LRRC37A2: variants seen among roughly 807,000 people sequenced by gnomAD.
LRRC37A2 encodes the protein leucine rich repeat containing 37 member A2.
A neutral mutation model predicts 68.8 loss-of-function variants in LRRC37A2; 9 were observed. The observed-to-expected ratio is 0.13, with a 90% confidence interval of 0.08 to 0.23. LRRC37A2 has a LOEUF of 0.23. Among genes scored for constraint, LRRC37A2 ranks in the 10% least tolerant of loss-of-function variants. The pLI is 1.00. For synonymous variants in LRRC37A2, 63 were observed against 367.6 expected, an observed-to-expected ratio of 0.17 and a Z score of 9.48; for missense variants, 168 against 950.4, an observed-to-expected ratio of 0.18 and a Z score of 10.82.
chr17:46,895,549 C>T, the LRRC37A2 span, among the ~76,000 whole-genome samples: 100 of 152,288 alleles, frequency 6.6e-4, no homozygotes, highest in Middle Eastern at 3.4e-3. Context: ...ATTCTGTCCC[C>T]GCCATTGTCA....
At chr17:46,935,249 T>G in the LRRC37A2 span, 1 of 1,608,010 alleles carries the variant, frequency 6.2e-7, no homozygotes, top group African/African-American at 1.3e-5. Context: ...GTTTATATTT[T>G]GATTACGTGT....
the LRRC37A2 span, chr17:46,941,575 T>G: frequency 7.6e-6 from 2 of 264,774 alleles, no homozygotes; most frequent in Non-Finnish European, 1.2e-5. Flanking sequence ...AAGGTGATTT[T>G]ATTTTATTTT....
chr17:46,888,412 G>T, the LRRC37A2 span, among the ~76,000 whole-genome samples: 1 of 152,170 alleles, frequency 6.6e-6, no homozygotes, highest in African/African-American at 2.4e-5. Context: ...CTCAATTATG[G>T]TTGCTGTCAT....
chr17:47,037,922 A>T, the LRRC37A2 span, among the ~76,000 whole-genome samples: 1 of 152,150 alleles, frequency 6.6e-6, no homozygotes, highest in Non-Finnish European at 1.5e-5. Flanking sequence ...TATTGTTTAT[A>T]TGTATAATCC....
chr17:46,947,708 A>G, the LRRC37A2 span, among the ~76,000 whole-genome samples: 1 of 152,222 alleles, frequency 6.6e-6, no homozygotes, highest in East Asian at 1.9e-4. Context: ...GAGAATAATA[A>G]TAACTACCTC....
the LRRC37A2 span, among the ~76,000 whole-genome samples, chr17:46,849,342 C>T: frequency 1.3e-5 from 2 of 152,188 alleles, no homozygotes; most frequent in Admixed American, 6.5e-5. Flanking sequence ...GGAGAATGTG[C>T]CCTGCCTTCT....
At chr17:47,000,203 G>A in the LRRC37A2 span, among the ~76,000 whole-genome samples, 1 of 149,692 alleles carries the variant, frequency 6.7e-6, no homozygotes, top group African/African-American at 2.4e-5. Flanking sequence ...CACTGTGGTG[G>A]CTCAATGTAT....
At chr17:46,779,344 A>T in the LRRC37A2 span, among the ~76,000 whole-genome samples, 1 of 152,168 alleles carries the variant, frequency 6.6e-6, no homozygotes, top group Non-Finnish European at 1.5e-5. Context: ...CCTGCCTGGC[A>T]CTGACAGCTG....
At chr17:46,902,983 A>G in the LRRC37A2 span, among the ~76,000 whole-genome samples, 1 of 152,168 alleles carries the variant, frequency 6.6e-6, no homozygotes, top group South Asian at 2.1e-4. Flanking sequence ...CCTTTCTCGA[A>G]AAAGGATTCA....
At chr17:46,851,055 T>C in the LRRC37A2 span, among the ~76,000 whole-genome samples, 268 of 152,252 alleles carry the variant, frequency 1.8e-3, 5 homozygotes, top group Middle Eastern at 0.031. This position sits in a 1 kb window ranked among gnomAD's most constrained non-coding sequence, Gnocchi z 4.3. Context: ...GACATGCATT[T>C]CCCCCGCTTC....
intron 6 of LRRC37A2, among the ~76,000 whole-genome samples, chr17:46,539,789 A>AAAAAAAAAAAG (rs2054962885): frequency 6.8e-6 from 1 of 146,548 alleles, no homozygotes; most frequent in Non-Finnish European, 1.5e-5. Flanking sequence ...AAAAAAAAAA[A>AAAAAAAAAAAG]ATAGATGAAC....
the LRRC37A2 span, among the ~76,000 whole-genome samples, chr17:46,793,831 C>T: frequency 2.0e-5 from 3 of 152,148 alleles, no homozygotes; most frequent in East Asian, 1.9e-4. Context: ...GATGCCGGCT[C>T]CAGTTTACCA....
the LRRC37A2 span, chr17:46,769,736 G>GC: frequency 5.6e-6 from 9 of 1,600,680 alleles, no homozygotes; most frequent in Non-Finnish European, 7.6e-6. Flanking sequence ...CGGAGGGGAA[G>GC]CGGGGGGCTG....
the LRRC37A2 span, among the ~76,000 whole-genome samples, chr17:46,912,148 TC>T: frequency 6.6e-6 from 1 of 152,146 alleles, no homozygotes; most frequent in African/African-American, 2.4e-5. Flanking sequence ...TCTCCTGCTG[TC>T]CCAAGGATGT....
the LRRC37A2 span, among the ~76,000 whole-genome samples, chr17:46,739,269 G>A: frequency 2.0e-5 from 3 of 151,184 alleles, no homozygotes; most frequent in Non-Finnish European, 4.4e-5. Flanking sequence ...TACTCAGGAG[G>A]CTGAGGCAGG....
chr17:46,731,503 C>G, the LRRC37A2 span, among the ~76,000 whole-genome samples: 3 of 152,106 alleles, frequency 2.0e-5, no homozygotes, highest in East Asian at 5.8e-4. Flanking sequence ...TGAACCATAT[C>G]TCAAGCGATT....
At chr17:46,707,105 C>G in the LRRC37A2 span, among the ~76,000 whole-genome samples, 2 of 152,134 alleles carry the variant, frequency 1.3e-5, no homozygotes, top group Non-Finnish European at 2.9e-5. Flanking sequence ...CCTGCCTCGG[C>G]TTTCCAAAGT....
chr17:46,912,345 C>T, the LRRC37A2 span, among the ~76,000 whole-genome samples: 6 of 152,220 alleles, frequency 3.9e-5, no homozygotes, highest in African/African-American at 1.4e-4. Flanking sequence ...TGGGGTTAAT[C>T]GGGAATTCTT....
the LRRC37A2 span, chr17:46,773,706 T>C: frequency 7.1e-7 from 1 of 1,416,944 alleles, no homozygotes; most frequent in South Asian, 1.1e-5. Flanking sequence ...CAGGCTGTCA[T>C]CTATGGTGGT....
Sources: allele counts gnomAD v4.1 joint callset (sites outside exome capture counted in the v4.1 genomes callset), GRCh38; gene constraint gnomAD v4.1.1; non-coding constraint Gnocchi (gnomAD v3.1); transcripts MANE v1.5; gene names NCBI Gene and HGNC (gene_info 2026-07-23, HGNC 2026-07-21).